The following PMPCB variants were observed in gnomAD, a reference collection of about 807,000 sequenced individuals.
The protein encoded by PMPCB is mitochondrial-processing peptidase subunit beta.
PMPCB carries 46 observed loss-of-function variants against 61.5 expected under a neutral mutation model. The ratio of observed to expected loss-of-function variants is 0.75; its 90% CI spans 0.59 to 0.96. The LOEUF is 0.96. Ranked by LOEUF, PMPCB falls within the 40% of genes least tolerant of loss-of-function variation. PMPCB has a pLI of 0.00. For missense variants in PMPCB, 590 were observed against 602.4 expected, an observed-to-expected ratio of 0.98 and a Z score of 0.22; for synonymous variants, 191 against 201.6, an observed-to-expected ratio of 0.95 and a Z score of 0.44.
intron 9 of PMPCB, 195 bp from the exon 10 acceptor site, chr7:103,311,448 G>A: frequency 1.7e-6 from 1 of 588,482 alleles, no homozygotes; most frequent in Non-Finnish European, 3.0e-6. Flanking sequence ...CTGCTAATGT[G>A]TAATTAGGCA....
chr7:103,297,816 G>A (rs1817329511), intron 1 of PMPCB: 2 of 1,521,908 alleles, frequency 1.3e-6, no homozygotes, highest in Admixed American at 2.0e-5. Flanking sequence ...AGGAGTGCAT[G>A]TTTGACCACT....
In PMPCB at chr7:103,297,554, G is replaced by C. The variant is rs761543693; in HGVS notation, c.95G>C (p.Gly32Ala). 1.9e-6 allele frequency: 3 copies of C among 1,610,954 alleles called. No homozygotes were observed. Among genetic ancestry groups the C allele is most frequent in the African/African-American group, 1.3e-5 (1 of 74,958 alleles). ...SESLLIRGAA[G>A]RSLYFGENRL... is the part of the protein sequence containing the mutation. The stretch of plus-strand genomic sequence containing the variant: ...AGTCTTCTAATCCGAGGCGCTGCGG[G>C]ACGGGTGAGCTTCCCTCCAGGCCGG... The change falls in exon 1 of 13, where the codon GGA becomes GCA. Residue 32 changes from glycine (G) to alanine (A), a missense_variant. Transcript: ENST00000249269.
At chr7:103,340,598 A>G in the PMPCB span, among the ~76,000 whole-genome samples, 1 of 152,364 alleles carries the variant, frequency 6.6e-6, no homozygotes, top group South Asian at 2.1e-4. Flanking sequence ...AGGTACACAC[A>G]TATCTGGGAA....
At chr7:103,333,518 G>C (rs182544709), downstream of PMPCB, among the ~76,000 whole-genome samples, 4 of 152,294 alleles carry the variant, frequency 2.6e-5, no homozygotes, top group East Asian at 7.7e-4. Flanking sequence ...ATAAAACGTA[G>C]ATAAAATAAA....
chr7:103,328,215 C>T (rs1818809485), intron 12 of PMPCB, among the ~76,000 whole-genome samples: 1 of 152,078 alleles, frequency 6.6e-6, no homozygotes, highest in African/African-American at 2.4e-5. Context: ...AGCCACTGAG[C>T]CCGGCTTGAA....
chr7:103,322,588 C>T (rs1361722122), intron 12 of PMPCB: 1 of 1,610,506 alleles, frequency 6.2e-7, no homozygotes, highest in Admixed American at 1.7e-5. Context: ...GCTTTTTCTT[C>T]TTCCTTGAAC....
Position 103,312,918 on chromosome 7 carries a change from A to G in PMPCB, c.*647A>G. 1.3e-6 allele frequency: 2 copies of G among 1,591,716 alleles called. No individual in the cohort carries two copies. The highest frequency in any genetic ancestry group is 2.3e-5 in the South Asian group (2 of 86,750). On this transcript the variant is annotated 3_prime_UTR_variant, in exon 13 of 13. Coordinates refer to ENST00000249269, the MANE Select transcript of PMPCB (RefSeq NM_004279.3). The stretch of plus-strand genomic sequence containing the variant: ...TCACCCAAGCTACAATTTAAAATAC[A>G]ACAATCTATAAACGCTTAAGTCTGC...
In PMPCB at chr7:103,326,525, AG is replaced by A. The variant is rs781623515; in HGVS notation, c.*1432-2403del. The stretch of plus-strand genomic sequence containing the variant: ...AAGCCAACAGGGCACTATGATCAAA[AG>A]GGATGCCTTAACTTACCTGGAATTC... On this transcript the variant is annotated intron_variant and NMD_transcript_variant, in intron 12 of 12. Coordinates refer to the PMPCB transcript ENST00000444457. The A allele has an allele frequency of 8.1e-6, 13 of 1,613,160 alleles. No homozygotes were observed. In the South Asian group the frequency reaches 1.4e-4, roughly 18 times the overall value.
At chr7:103,333,792 A>T (rs1284856372), downstream of PMPCB, among the ~76,000 whole-genome samples, 1 of 152,100 alleles carries the variant, frequency 6.6e-6, no homozygotes, top group African/African-American at 2.4e-5. Flanking sequence ...TTTGAGATTC[A>T]TCCATGTTTT....
At position 103,319,930 on chromosome 7, in the gene PMPCB, G is replaced by A. The variant is rs552780373; in HGVS notation, c.*1431+7799G>A. 3.3e-5 allele frequency: 47 copies of A among 1,431,664 alleles called. 1 individual carries two copies. In the Middle Eastern group the frequency reaches 2.7e-3, roughly 81 times the overall value. 88.7% of individuals were successfully genotyped at this position (1,431,664 alleles called of 1,614,324 possible). A position where few individuals can be genotyped will look rare whatever the true frequency, so the allele number is the denominator to read the frequency against. On this transcript the variant is annotated intron_variant and NMD_transcript_variant, in intron 12 of 12. Transcript: ENST00000444457. ...CAAAGCTGTAATCCCAGCTACTCGG[G>A]AGGCTGAGGCAGGAGAATCGCTTGA...
At chr7:103,317,143 G>T, downstream of PMPCB, 1 of 790,424 alleles carries the variant, frequency 1.3e-6, no homozygotes, top group Non-Finnish European at 2.0e-6. Context: ...ACTCCTCTCA[G>T]GCCAACCCAA....
At chr7:103,311,918 T>A (rs774591084) in intron 11 of PMPCB, 22 bp downstream of exon 11, 1 of 1,542,388 alleles carries the variant, frequency 6.5e-7, no homozygotes, top group South Asian at 1.1e-5. Context: ...TGAGTTACTA[T>A]TGGGTCATGT....
chr7:103,298,708 A>T lies in PMPCB; in HGVS notation c.240A>T (p.Thr80=), dbSNP rs769551435. 2.5e-6 allele frequency: 4 copies of T among 1,612,822 alleles called. No homozygotes were observed. Among genetic ancestry groups the T allele is most frequent in the Non-Finnish European group, 3.4e-6 (4 of 1,179,536 alleles). Residue 80 remains threonine (T), a splice_region_variant and synonymous_variant, in exon 2 of 13, where the codon ACA becomes ACT. Transcript: ENST00000249269. ...AAGACTCTGGGCTCTCAACATGCAC[A>T]GTAAGTGACTCAGGCAACCTTCTCT... ...ASEDSGLSTC[T]VGLWIDAGSR...
chr7:103,345,909 C>T, the PMPCB span, among the ~76,000 whole-genome samples: 8 of 151,634 alleles, frequency 5.3e-5, no homozygotes, highest in South Asian at 2.1e-4. Context: ...CACACCATTG[C>T]GCTCCAGCCT....
the PMPCB span, chr7:103,344,803 G>A: frequency 1.6e-6 from 1 of 640,372 alleles, no homozygotes; most frequent in East Asian, 2.7e-5. Context: ...TGGTGTGGAG[G>A]CCAGTCTCAC....
At chr7:103,335,850 T>G in the PMPCB span, 2 of 152,214 alleles carry the variant, frequency 1.3e-5, no homozygotes, top group African/African-American at 4.8e-5. Flanking sequence ...TGGCTAAAAA[T>G]CAATTTCTAC....
chr7:103,323,041 T>C (rs879345764), intron 12 of PMPCB, among the ~76,000 whole-genome samples: 4 of 152,122 alleles, frequency 2.6e-5, no homozygotes, highest in Non-Finnish European at 5.9e-5. Flanking sequence ...GTGAGTCTCC[T>C]GCCTCAGCCT....
chr7:103,304,835 T>C (rs567423371), intron 6 of PMPCB, among the ~76,000 whole-genome samples: 9 of 151,980 alleles, frequency 5.9e-5, no homozygotes, highest in Admixed American at 1.3e-4. Flanking sequence ...GACATGCGCC[T>C]GTAGTCCCAG....
downstream of PMPCB, among the ~76,000 whole-genome samples, chr7:103,318,156 T>A (rs1046212991): frequency 1.3e-5 from 2 of 151,802 alleles, no homozygotes; most frequent in African/African-American, 4.8e-5. Context: ...CATTTCCCCA[T>A]AACATTTTTT....
Sources: gnomAD v4.1 joint callset for allele counts (sites outside exome capture counted in the v4.1 genomes callset) on GRCh38, gnomAD v4.1.1 for gene constraint, MANE v1.5 for transcripts, NCBI Gene and HGNC (gene_info 2026-07-23, HGNC 2026-07-21) for gene names.